Variants in RPE65 observed in about 807,000 individuals in gnomAD.
RPE65 encodes the protein retinoid isomerohydrolase.
RPE65 carries 58 observed loss-of-function variants against 68.5 expected under a neutral mutation model. The observed-to-expected ratio is 0.85, with a 90% CI of 0.69 to 1.05. The LOEUF (loss-of-function observed/expected upper bound fraction) is 1.05, where lower values mean the gene tolerates loss of function less well. Ranked by LOEUF, RPE65 falls within the 50% of genes least tolerant of loss-of-function variation. RPE65 has a pLI of 0.00. For synonymous variants in RPE65, 220 were observed against 222.2 expected (o/e 0.99, Z 0.09); for missense variants, 643 against 629.9 (o/e 1.02, Z -0.22).
At chr1:68,432,093 G>A (rs1327347114) in intron 10 of RPE65, among the ~76,000 whole-genome samples, 1 of 144,758 alleles carries the variant, frequency 6.9e-6, no homozygotes, top group Non-Finnish European at 1.5e-5. Flanking sequence ...TGGACCATAT[G>A]TTTCCTAAGA....
chr1:68,439,755 G>C, intron 6 of RPE65, 113 bp from the exon 7 acceptor site: 1 of 820,514 alleles, frequency 1.2e-6, no homozygotes, highest in Non-Finnish European at 2.0e-6. Context: ...TGTTTTAGAG[G>C]GGTTATTTTC....
chr1:68,435,123 C>G (rs193217996), intron 10 of RPE65, among the ~76,000 whole-genome samples: 5 of 152,250 alleles, frequency 3.3e-5, no homozygotes, highest in Admixed American at 2.6e-4. Context: ...CTCACCTGCA[C>G]TCATCTTTGT....
chr1:68,440,784 C>T, intron 6 of RPE65, 69 bp downstream of exon 6: 1 of 1,577,582 alleles, frequency 6.3e-7, no homozygotes, highest in Non-Finnish European at 8.7e-7. Flanking sequence ...TCTTATCTTT[C>T]TCACAATACA....
At chr1:68,434,449 ATAG>A (rs1296613266) in intron 10 of RPE65, among the ~76,000 whole-genome samples, 1 of 152,086 alleles carries the variant, frequency 6.6e-6, no homozygotes, top group Non-Finnish European at 1.5e-5. Context: ...TTAAAAGTAA[ATAG>A]TGGAAGATTT....
intron 3 of RPE65, among the ~76,000 whole-genome samples, chr1:68,445,812 C>G (rs1438001125): frequency 6.6e-6 from 1 of 151,940 alleles, no homozygotes; most frequent in Non-Finnish European, 1.5e-5. Flanking sequence ...CACCCACACC[C>G]GGTCGCACTT....
At chr1:68,436,878 C>T (rs1328559912) in intron 10 of RPE65, among the ~76,000 whole-genome samples, 1 of 152,154 alleles carries the variant, frequency 6.6e-6, no homozygotes, top group Non-Finnish European at 1.5e-5. Flanking sequence ...TCCCTTACCC[C>T]TCACATGTAA....
chr1:68,431,149 C>G lies in RPE65; in HGVS notation c.1366G>C (p.Glu456Gln), dbSNP rs755805126. 16 of 1,613,636 alleles carry G rather than the reference C, an allele frequency of 9.9e-6. No homozygotes were observed. Among genetic ancestry groups the G allele is most frequent in the Non-Finnish European group, 1.0e-5 (12 of 1,179,812 alleles). ...TCAGGCTCTTGCCAAACCCAAGTTT[C>G]TTTAGTTTTGACATTCAGCTTACAG... ...RLCKLNVKTKETWVWQEPDSY... is the reference protein window; with the variant it reads ...RLCKLNVKTKQTWVWQEPDSY... Residue 456 changes from glutamate (E) to glutamine (Q), a missense_variant, in exon 13 of 14, where the codon GAA (glutamate) becomes CAA (glutamine). Physicochemically the swap from Glu to Gln is conservative, Grantham distance 29 (BLOSUM62 2). Transcript: ENST00000262340.
At chr1:68,446,616 G>T in intron 3 of RPE65, 94 bp downstream of exon 3, 1 of 1,464,314 alleles carries the variant, frequency 6.8e-7, no homozygotes, top group Non-Finnish European at 9.5e-7. Flanking sequence ...TATATAGGTT[G>T]CCTCCTGAGT....
Position 68,431,271 on chromosome 1 carries a change from G to C in RPE65, c.1338+11C>G. The C allele has an allele frequency of 6.2e-7, 1 of 1,612,576 alleles. No homozygotes were observed. Among genetic ancestry groups the C allele is most frequent in the Middle Eastern group, 1.7e-4 (1 of 6,058 alleles). ...AGCACTGTTCAAATATTAGTAAGAA[G>C]GATTAATTACCCTATCTGGAACAAA... On this transcript the variant is annotated intron_variant, in intron 12 of 13. Coordinates refer to ENST00000262340, the MANE Select transcript of RPE65 (RefSeq NM_000329.3).
chr1:68,438,409 T>G (rs1476746169), intron 9 of RPE65, 93 bp from the exon 10 acceptor site: 2 of 1,449,462 alleles, frequency 1.4e-6, no homozygotes, highest in Non-Finnish European at 1.9e-6. Context: ...TGCCTGCCTG[T>G]TCTTTATTCC....
In RPE65 at chr1:68,429,876, T is replaced by C; in HGVS notation, c.1502A>G (p.Tyr501Cys). 1 of 1,613,918 alleles carries C rather than the reference T, an allele frequency of 6.2e-7. No individual in the cohort carries two copies. The highest frequency in any genetic ancestry group is 1.1e-5 in the South Asian group (1 of 91,074). The change falls in exon 14 of 14, where the codon TAT (tyrosine) becomes TGT (cysteine). Residue 501 changes from tyrosine (Y) to cysteine (C), a missense_variant. By Grantham distance (194) the Tyr-to-Cys change is radical. Coordinates refer to ENST00000262340, the MANE Select transcript of RPE65 (RefSeq NM_000329.3). Reference protein sequence around the residue: ...VSPGAGQKPAYLLILNAKDLS... With the variant: ...VSPGAGQKPACLLILNAKDLS... ...GTCCTTGGCATTCAGAATCAGGAGA[T>C]AAGCAGGCTTTTGTCCTGCTCCTGG... is the stretch of plus-strand genomic sequence containing the variant.
At chr1:68,447,829 G>A (rs887064537) in intron 2 of RPE65, among the ~76,000 whole-genome samples, 2 of 151,940 alleles carry the variant, frequency 1.3e-5, no homozygotes, top group African/African-American at 2.4e-5. Context: ...CAGCCTGGGC[G>A]ACTGAGCGAG....
chr1:68,433,659 C>T (rs138415744), intron 10 of RPE65, among the ~76,000 whole-genome samples: 4 of 152,034 alleles, frequency 2.6e-5, no homozygotes, highest in African/African-American at 9.6e-5. Flanking sequence ...TAAGTGAAGC[C>T]GGGAAATGTA....
chr1:68,447,833 G>A (rs187909600), intron 2 of RPE65, among the ~76,000 whole-genome samples: 25 of 152,134 alleles, frequency 1.6e-4, no homozygotes, highest in Admixed American at 1.4e-3. Context: ...CTGGGCGACT[G>A]AGCGAGACTC....
Position 68,449,893 on chromosome 1 carries a change from A to C in RPE65, c.11+2T>G, listed in dbSNP as rs778768116. On this transcript the variant is annotated splice_donor_variant, in intron 1 of 13. Coordinates refer to ENST00000262340, the MANE Select transcript of RPE65 (RefSeq NM_000329.3). LOFTEE classifies it high-confidence loss of function. ...TTAAAAAAGTCTCCCAGAGATACTTACTGGATAGACATTTTCTTCCAGTTC... is the reference window on the plus strand; with the variant it reads ...TTAAAAAAGTCTCCCAGAGATACTTCCTGGATAGACATTTTCTTCCAGTTC... The C allele has an allele frequency of 5.0e-6, 8 of 1,614,184 alleles. No individual in the cohort carries two copies. Among genetic ancestry groups the C allele is most frequent in the Non-Finnish European group, 8.5e-7 (1 of 1,179,978 alleles).
In RPE65 at chr1:68,443,068, A is replaced by G. The variant is rs145393494; in HGVS notation, c.495+1463T>C. Among the ~76,000 whole-genome samples the G allele has an allele frequency of 1.5e-3, 235 of 152,300 alleles. 1 individual carries two copies. The highest frequency in any genetic ancestry group is 4.2e-3 in the African/African-American group (176 of 41,564). ...AGCCCACACATGGCTCCCCAAATAA[A>G]CATCTGAAAATATAGCCCTACTCAT... On this transcript the variant is annotated intron_variant, in intron 5 of 13. Coordinates refer to ENST00000262340, the MANE Select transcript of RPE65 (RefSeq NM_000329.3).
chr1:68,429,584 T>C lies in RPE65; in HGVS notation c.*192A>G, dbSNP rs142768806. 9.4e-4 allele frequency: 588 copies of C among 628,058 alleles called. 5 individuals carry two copies. The highest frequency in any genetic ancestry group is 9.1e-3 in the African/African-American group (495 of 54,492). The allele number at this position is 628,058 out of a possible 1,614,324, so 38.9% of individuals were successfully genotyped here. On this transcript the variant is annotated 3_prime_UTR_variant, in exon 14 of 14. Transcript: ENST00000262340. ...CACAGAGGAAGTATGATTATCTAAATACGTACTTTTTTTTTTAAATAAAGG... is the reference window on the plus strand; with the variant it reads ...CACAGAGGAAGTATGATTATCTAAACACGTACTTTTTTTTTTAAATAAAGG...
At position 68,448,804 on chromosome 1, in the gene RPE65, C is replaced by T. The variant is rs1214865479; in HGVS notation, c.12-98G>A. 1.5e-5 allele frequency: 11 copies of T among 736,170 alleles called. 1 individual carries two copies. The East Asian group carries it at 2.8e-4, about 19-fold the overall frequency. 45.6% of individuals were successfully genotyped at this position (736,170 alleles called of 1,614,324 possible). A position where few individuals can be genotyped will look rare whatever the true frequency, so the allele number is the denominator to read the frequency against. ...AGGAGAGAAGGCACTCTAGGGCTGG[C>T]TCAAAGCCTGTTCACTCCTGCCGGT... On this transcript the variant is annotated intron_variant, in intron 1 of 13. Transcript: ENST00000262340.
chr1:68,431,951 A>G (rs1310321909), intron 10 of RPE65, among the ~76,000 whole-genome samples: 1 of 152,068 alleles, frequency 6.6e-6, no homozygotes, highest in Non-Finnish European at 1.5e-5. Context: ...GTTTTTCTGC[A>G]GAACAACAAA....
Sources: allele counts gnomAD v4.1 joint callset (sites outside exome capture counted in the v4.1 genomes callset), GRCh38; gene constraint gnomAD v4.1.1; transcripts MANE v1.5; gene names NCBI Gene and HGNC (gene_info 2026-07-23, HGNC 2026-07-21).